The following HTR2A variants were observed in gnomAD, a reference collection of about 807,000 sequenced individuals.
The protein encoded by HTR2A is 5-HT2 receptor.
A neutral mutation model predicts 31.0 loss-of-function variants in HTR2A; 14 were observed. That is an observed-to-expected ratio of 0.45 (90% CI 0.30 to 0.71). The LOEUF is 0.71. Among genes scored for constraint, HTR2A ranks in the 30% least tolerant of loss-of-function variants. HTR2A has a pLI of 0.09. For missense variants in HTR2A, 442 were observed against 573.3 expected (o/e 0.77, Z 2.34); for synonymous variants, 209 against 225.2 (o/e 0.93, Z 0.64).
rs115671500 is a variant in HTR2A at position 46,886,696 on chromosome 13, G to A, written c.613+5694C>T. The stretch of plus-strand genomic sequence containing the variant: ...GAGAGGGTACCAAGGTAGCCAGGAT[G>A]TTAAGAAGTTAAGATTCTGGAGTGA... On this transcript the variant is annotated intron_variant, in intron 3 of 3. Coordinates refer to ENST00000542664, the MANE Select transcript of HTR2A (RefSeq NM_000621.5). Among the ~76,000 whole-genome samples, 508 of 152,262 alleles carry A rather than the reference G, an allele frequency of 3.3e-3. 2 individuals are homozygous for A. The highest frequency in any genetic ancestry group is 0.012 in the African/African-American group (485 of 41,550).
At position 46,835,512 on chromosome 13, in the gene HTR2A, T is replaced by G; in HGVS notation, c.741A>C (p.Leu247Phe). The G allele has an allele frequency of 6.2e-7, 1 of 1,613,888 alleles. No individual in the cohort carries two copies. Among genetic ancestry groups the G allele is most frequent in the Non-Finnish European group, 8.5e-7 (1 of 1,179,916 alleles). The change falls in exon 4 of 4, where the codon TTA becomes TTC. Residue 247 changes from leucine (L) to phenylalanine (F), a missense_variant. Physicochemically the swap from Leu to Phe is conservative, Grantham distance 22 (BLOSUM62 0). Coordinates refer to ENST00000542664, the MANE Select transcript of HTR2A (RefSeq NM_000621.5). The stretch of plus-strand genomic sequence containing the variant: ...GAAAGTAGGTGATCACCATGATGGT[T>G]AAGGGAATGAAAAATGACACAAAAG... ...IGSFVSFFIP[L>F]TIMVITYFLT...
chr13:46,875,661 A>G (rs962896097), intron 3 of HTR2A, among the ~76,000 whole-genome samples: 2 of 152,194 alleles, frequency 1.3e-5, no homozygotes, highest in African/African-American at 4.8e-5. Context: ...GCCTTATGAA[A>G]TGAGAGCCAA....
intron 3 of HTR2A, among the ~76,000 whole-genome samples, chr13:46,890,757 A>G (rs554790107): frequency 1.1e-4 from 16 of 152,258 alleles, no homozygotes; most frequent in African/African-American, 3.6e-4. Flanking sequence ...GTATCAGGGT[A>G]AAAATAAATA....
chr13:46,859,494 C>T (rs1332558862), intron 3 of HTR2A, among the ~76,000 whole-genome samples: 6 of 152,070 alleles, frequency 3.9e-5, no homozygotes, highest in Non-Finnish European at 7.4e-5. Context: ...TTATAATCTC[C>T]AATGTGGAGG....
At position 46,833,656 on chromosome 13, in the gene HTR2A, G is replaced by A. The variant is rs1013183731; in HGVS notation, c.*1181C>T. On this transcript the variant is annotated 3_prime_UTR_variant, in exon 4 of 4. Coordinates refer to ENST00000542664, the MANE Select transcript of HTR2A (RefSeq NM_000621.5). ...GCTAGGATTACATGCACGAGCCTCC[G>A]TGCCTGGCCGAGCCATTTCGTTTGA... 7.2e-5 allele frequency: 11 copies of A among 152,222 alleles called. No individual in the cohort carries two copies. Among genetic ancestry groups the A allele is most frequent in the African/African-American group, 2.4e-4 (10 of 41,542 alleles). The allele number at this position is 152,222 out of a possible 1,614,324, so 9.4% of individuals were successfully genotyped here.
At position 46,848,201 on chromosome 13, in the gene HTR2A, T is replaced by G. The variant is rs1950658006; in HGVS notation, c.614-12562A>C. On this transcript the variant is annotated intron_variant, in intron 3 of 3. Transcript: ENST00000542664. ...AGTGATTTGGAGGGAGAATTTTTTGTTCGTTTTGCAACATTGTAGAGTCAT... is the reference window on the plus strand; with the variant it reads ...AGTGATTTGGAGGGAGAATTTTTTGGTCGTTTTGCAACATTGTAGAGTCAT... 3.3e-5 allele frequency among the ~76,000 whole-genome samples: 5 copies of G among 152,342 alleles called. No individual in the cohort carries two copies. In the South Asian group the frequency reaches 1.0e-3, roughly 32 times the overall value.
chr13:46,841,009 C>T (rs990030727), intron 3 of HTR2A, among the ~76,000 whole-genome samples: 10 of 152,050 alleles, frequency 6.6e-5, no homozygotes, highest in African/African-American at 1.9e-4. Flanking sequence ...ATGCTGTTCT[C>T]GTGATAGTGA....
chr13:46,849,047 T>C (rs1950663382), intron 3 of HTR2A, among the ~76,000 whole-genome samples: 1 of 152,164 alleles, frequency 6.6e-6, no homozygotes, highest in Non-Finnish European at 1.5e-5. Flanking sequence ...TTTGGATGTC[T>C]CCGATGGGCA....
rs771701886 is a variant in HTR2A at position 46,892,486 on chromosome 13, G to A, written c.517C>T (p.Arg173Cys). ...ATGGGATTCTGGATGGCGACGTAGC[G>A]GTCCAGCGAGATGGCGCAGAGGTGC... The part of the protein sequence containing the change: ...IMHLCAISLD[R>C]YVAIQNPIHH... Residue 173 changes from arginine (R) to cysteine (C), a missense_variant, in exon 3 of 4, where the codon CGC (arginine) becomes TGC (cysteine). By Grantham distance (180) the Arg-to-Cys change is radical. Around this residue, in one of 5 missense-constraint regions of HTR2A, gnomAD observed 86 missense variants for 179.1 expected, o/e 0.48. Coordinates refer to ENST00000542664, the MANE Select transcript of HTR2A (RefSeq NM_000621.5). 9 of 1,614,212 alleles carry A rather than the reference G, an allele frequency of 5.6e-6. No homozygotes were observed. Among genetic ancestry groups the A allele is most frequent in the Admixed American group, 1.7e-5 (1 of 60,028 alleles).
At chr13:46,842,059 T>A (rs184746356) in intron 3 of HTR2A, among the ~76,000 whole-genome samples, 68 of 152,288 alleles carry the variant, frequency 4.5e-4, no homozygotes, top group African/African-American at 1.5e-3. Context: ...GACCAAAATA[T>A]CACATTTGTA....
chr13:46,853,194 T>C (rs1950701822), intron 3 of HTR2A, among the ~76,000 whole-genome samples: 1 of 152,150 alleles, frequency 6.6e-6, no homozygotes, highest in African/African-American at 2.4e-5. Flanking sequence ...GAGAAGGGGT[T>C]ACAGCCTGTG....
At position 46,896,723 on chromosome 13, in the gene HTR2A, G is replaced by A. The variant is rs561657873; in HGVS notation, c.-378C>T. The A allele has an allele frequency of 5.9e-5, 90 of 1,533,804 alleles. 2 individuals are homozygous for A. The South Asian group carries it at 9.4e-4, about 16-fold the overall frequency. ...AGATACATTTGTTATTCTGTGACTC[G>A]CTGCATCTCTCACAGTAATTAAACT... On this transcript the variant is annotated 5_prime_UTR_variant, in exon 1 of 4. It introduces an in-frame stop codon into an upstream open reading frame of the 5' UTR. Transcript: ENST00000542664.
At chr13:46,855,607 A>C (rs888145296) in intron 3 of HTR2A, among the ~76,000 whole-genome samples, 3 of 151,920 alleles carry the variant, frequency 2.0e-5, no homozygotes, top group South Asian at 4.2e-4. Flanking sequence ...TGTAAACTGG[A>C]GACAGAACCC....
intron 3 of HTR2A, among the ~76,000 whole-genome samples, chr13:46,851,742 A>G (rs181682750): frequency 8.5e-5 from 13 of 152,348 alleles, no homozygotes; most frequent in South Asian, 2.1e-4. Flanking sequence ...TGATAGTAAT[A>G]AGGAAGGTGT....
intron 3 of HTR2A, among the ~76,000 whole-genome samples, chr13:46,860,084 G>T (rs780369939): frequency 1.3e-5 from 2 of 152,038 alleles, no homozygotes; most frequent in African/African-American, 4.8e-5. Flanking sequence ...TCTTCTATTT[G>T]CCCTTTTCGA....
In HTR2A at chr13:46,892,706, C is replaced by A. The variant is rs554890514; in HGVS notation, c.413-116G>T. On this transcript the variant is annotated intron_variant, in intron 2 of 3. Coordinates refer to ENST00000542664, the MANE Select transcript of HTR2A (RefSeq NM_000621.5). ...AGGCACAGGTGGTGGCAAAGGGCAA[C>A]ACAATATATTTTTAGTATTTGAAAA... 25 of 764,186 alleles carry A rather than the reference C, an allele frequency of 3.3e-5. No individual in the cohort carries two copies. The Admixed American group carries it at 4.8e-4, about 15-fold the overall frequency. 47.3% of individuals were successfully genotyped at this position (764,186 alleles called of 1,614,324 possible).
At chr13:46,880,842 T>TAAAAAAGAAA (rs1950955362) in intron 3 of HTR2A, among the ~76,000 whole-genome samples, 1 of 140,152 alleles carries the variant, frequency 7.1e-6, no homozygotes, top group South Asian at 2.2e-4. Context: ...CTGTCTCAAA[T>TAAAAAAGAAA]AAAAAAGAAA....
chr13:46,886,137 A>G (rs190762965), intron 3 of HTR2A, among the ~76,000 whole-genome samples: 1 of 152,182 alleles, frequency 6.6e-6, no homozygotes, highest in African/African-American at 2.4e-5. Context: ...TTCTGCCACT[A>G]GGTTATTTAG....
chr13:46,862,558 G>A (rs376975091), intron 3 of HTR2A, among the ~76,000 whole-genome samples: 102 of 152,238 alleles, frequency 6.7e-4, no homozygotes, highest in South Asian at 1.9e-3. Context: ...CCCTTGCCCC[G>A]CATAAGAAAC....
Sources: gnomAD v4.1 joint callset for allele counts (sites outside exome capture counted in the v4.1 genomes callset) on GRCh38, gnomAD v4.1.1 for gene constraint, gnomAD v4.1.1 regional missense constraint, MANE v1.5 for transcripts, NCBI Gene and HGNC (gene_info 2026-07-23, HGNC 2026-07-21) for gene names.